Variants in GRK4 observed in about 807,000 individuals in gnomAD.
GRK4 encodes the protein G protein-coupled receptor kinase 4, also known as G protein-coupled receptor kinase 2-like.
In GRK4, 73 loss-of-function variants were observed where a neutral mutation model predicts 77.9. The observed-to-expected ratio is 0.94, with a 90% CI of 0.78 to 1.14. The LOEUF is 1.14. Ranked by LOEUF, GRK4 falls within the 50% of genes most tolerant of loss-of-function variation. GRK4 has a pLI of 0.00. For missense variants in GRK4, 729 were observed against 700.2 expected, an observed-to-expected ratio of 1.04 and a Z score of -0.46; for synonymous variants, 257 against 254.4, an observed-to-expected ratio of 1.01 and a Z score of -0.10.
At position 3,029,536 on chromosome 4, in the gene GRK4, C is replaced by T. The variant is rs1268777858; in HGVS notation, c.1269+127C>T. On this transcript the variant is annotated intron_variant, in intron 12 of 15. Transcript: ENST00000398052. Reference sequence around the variant, plus strand: ...AAGTCCTGGTCACCCACCTCCCAGGCCCTGCCCCTGCCCCTGCAGCCCAGT... The same window carrying T: ...AAGTCCTGGTCACCCACCTCCCAGGTCCTGCCCCTGCCCCTGCAGCCCAGT... 4.3e-5 allele frequency: 30 copies of T among 695,444 alleles called. No individual in the cohort carries two copies. The South Asian group carries it at 4.8e-4, about 11-fold the overall frequency. The allele number at this position is 695,444 out of a possible 1,614,324, so 43.1% of individuals were successfully genotyped here.
At chr4:3,011,715 C>G (rs1437470437) in intron 7 of GRK4, among the ~76,000 whole-genome samples, 6 of 152,222 alleles carry the variant, frequency 3.9e-5, no homozygotes, top group Non-Finnish European at 7.3e-5. Flanking sequence ...TCTAATCGTG[C>G]ATTTGCTTTT....
chr4:2,964,823 C>G (rs965776896), intron 1 of GRK4, among the ~76,000 whole-genome samples: 1 of 152,124 alleles, frequency 6.6e-6, no homozygotes, highest in African/African-American at 2.4e-5. Flanking sequence ...AAAAGAAGAA[C>G]AAGTTTTCTT....
At chr4:3,016,532 CA>C (rs527985170) in intron 8 of GRK4, among the ~76,000 whole-genome samples, 9,815 of 77,212 alleles carry the variant, frequency 0.13, 477 homozygotes, top group African/African-American at 0.21. Context: ...ACTCAATCTC[CA>C]AAAAAAAAAA....
At chr4:3,040,296 C>G (rs1275686589) in intron 15 of GRK4, among the ~76,000 whole-genome samples, 2 of 151,976 alleles carry the variant, frequency 1.3e-5, no homozygotes, top group Non-Finnish European at 2.9e-5. Context: ...CAAAACTTAG[C>G]AGGGTGTGGT....
intron 4 of GRK4, among the ~76,000 whole-genome samples, chr4:2,998,017 C>T (rs573531010): frequency 6.6e-6 from 1 of 152,070 alleles, no homozygotes; most frequent in Admixed American, 6.5e-5. Flanking sequence ...ACTGTAAGTT[C>T]CATTGTACTG....
At chr4:3,031,964 T>C (rs1049819508) in intron 12 of GRK4, among the ~76,000 whole-genome samples, 64 of 152,258 alleles carry the variant, frequency 4.2e-4, no homozygotes, top group African/African-American at 1.4e-3. Flanking sequence ...TGTTTCCATA[T>C]ATGAAGCCAT....
In GRK4 at chr4:3,001,089, A is replaced by ATATATATATATATGTGTGTGTGTGTGTG; in HGVS notation, c.340-3141_340-3140insATATATATATATGTGTGTGTGTGTGTGT. On this transcript the variant is annotated intron_variant, in intron 4 of 15. Transcript: ENST00000398052. Reference sequence around the variant, plus strand: ...TAAATGAGACTATATATATATATATATGTGTGTGTGTGTGTGTATATATAT... The same window carrying ATATATATATATATGTGTGTGTGTGTGTG: ...TAAATGAGACTATATATATATATATATATATATATATATGTGTGTGTGTGTGTGTGTGTGTGTGTGTGTGTATATATAT... 2.4e-4 allele frequency among the ~76,000 whole-genome samples: 20 copies of ATATATATATATATGTGTGTGTGTGTGTG among 82,432 alleles called. 4 individuals are homozygous for ATATATATATATATGTGTGTGTGTGTGTG. Among genetic ancestry groups the ATATATATATATATGTGTGTGTGTGTGTG allele is most frequent in the African/African-American group, 8.7e-4 (15 of 17,214 alleles). The allele number at this position is 82,432 out of a possible 152,430, so 54.1% of individuals were successfully genotyped here.
intron 1 of GRK4, among the ~76,000 whole-genome samples, chr4:2,979,302 G>A (rs1722132935): frequency 1.3e-5 from 2 of 151,034 alleles, no homozygotes; most frequent in East Asian, 1.9e-4. Context: ...TATTCTGGAG[G>A]CTAAAGTGGG....
At chr4:3,028,131 T>C in intron 11 of GRK4, 130 bp downstream of exon 11, 1 of 741,102 alleles carries the variant, frequency 1.3e-6, no homozygotes, top group South Asian at 1.7e-5. Flanking sequence ...GCAGTGGTGT[T>C]TTGAATCTCT....
chr4:2,990,974 C>T (rs569713364), intron 3 of GRK4, among the ~76,000 whole-genome samples: 5 of 152,330 alleles, frequency 3.3e-5, no homozygotes, highest in African/African-American at 4.8e-5. Context: ...TTCATTTCCC[C>T]CTCATGGCAC....
At chr4:2,999,746 C>A (rs560254970) in intron 4 of GRK4, among the ~76,000 whole-genome samples, 1 of 152,128 alleles carries the variant, frequency 6.6e-6, no homozygotes, top group East Asian at 1.9e-4. Context: ...AGATATGACA[C>A]CTAAAGCACA....
rs550248487 is a variant in GRK4 at position 3,037,397 on chromosome 4, C to T, written c.1431C>T (p.Asp477=). 31 of 1,606,988 alleles carry T rather than the reference C, an allele frequency of 1.9e-5. No homozygotes were observed. In the South Asian group the frequency reaches 2.4e-4, roughly 13 times the overall value. ...CPDPHAVYCK[D]VLDIEQFSVV... ...AGCCTCATGCCGTTTACTGTAAGGACGTCCTGGATATCGAGCAGTTCTCGG... is the reference window on the plus strand; with the variant it reads ...AGCCTCATGCCGTTTACTGTAAGGATGTCCTGGATATCGAGCAGTTCTCGG... Residue 477 remains aspartate (D), a synonymous_variant, in exon 14 of 16, where the codon GAC becomes GAT. Coordinates refer to ENST00000398052, the MANE Select transcript of GRK4 (RefSeq NM_182982.3).
At chr4:3,038,801 C>T (rs571937879) in intron 15 of GRK4, 32 of 331,150 alleles carry the variant, frequency 9.7e-5, no homozygotes, top group African/African-American at 6.2e-4. Flanking sequence ...TTACACTGGG[C>T]TCAGAAATCG....
At chr4:3,026,391 A>G (rs1737569502) in intron 10 of GRK4, among the ~76,000 whole-genome samples, 1 of 152,170 alleles carries the variant, frequency 6.6e-6, no homozygotes, top group Non-Finnish European at 1.5e-5. Context: ...CAATGATACG[A>G]AAAAAATAAG....
chr4:2,987,360 T>G (rs756998458), intron 2 of GRK4, among the ~76,000 whole-genome samples: 8 of 152,234 alleles, frequency 5.3e-5, no homozygotes, highest in Non-Finnish European at 1.0e-4. Flanking sequence ...TTGAGTTGTT[T>G]TCTACTTTTG....
Position 2,964,005 on chromosome 4 carries a change from C to T in GRK4, c.-66C>T. 6.9e-7 allele frequency: 1 copy of T among 1,447,396 alleles called. No homozygotes were observed. The highest frequency in any genetic ancestry group is 2.3e-5 in the East Asian group (1 of 43,318). The allele number at this position is 1,447,396 out of a possible 1,614,324, so 89.7% of individuals were successfully genotyped here. A position where few individuals can be genotyped will look rare whatever the true frequency, so the allele number is the denominator to read the frequency against. On this transcript the variant is annotated 5_prime_UTR_variant, in exon 1 of 16. Coordinates refer to ENST00000398052, the MANE Select transcript of GRK4 (RefSeq NM_182982.3). The stretch of plus-strand genomic sequence containing the variant: ...GCTATGCACGGGGGCGGCGGCGTCT[C>T]CTCCTGTTCCGCCTCCTCAGTCTCC...
intron 10 of GRK4, among the ~76,000 whole-genome samples, chr4:3,025,975 G>A (rs533660406): frequency 1.8e-4 from 27 of 152,354 alleles, no homozygotes; most frequent in African/African-American, 6.0e-4. Context: ...CTCATGGACG[G>A]CTTCCGTCCG....
intron 4 of GRK4, among the ~76,000 whole-genome samples, chr4:3,001,663 G>A (rs1255998899): frequency 6.6e-6 from 1 of 152,088 alleles, no homozygotes; most frequent in Non-Finnish European, 1.5e-5. Flanking sequence ...CACCACGCCC[G>A]CCCGAGACCA....
chr4:2,965,190 T>C, intron 1 of GRK4: 1 of 680,816 alleles, frequency 1.5e-6, no homozygotes, highest in Non-Finnish European at 2.7e-6. Context: ...ACTGAGCTGG[T>C]GCGTACCTTA....
Sources: allele counts gnomAD v4.1 joint callset (sites outside exome capture counted in the v4.1 genomes callset), GRCh38; gene constraint gnomAD v4.1.1; transcripts MANE v1.5; gene names NCBI Gene and HGNC (gene_info 2026-07-23, HGNC 2026-07-21).